The following TRAPPC9 variants were observed in gnomAD, a reference collection of about 807,000 sequenced individuals.
TRAPPC9 encodes the protein trafficking protein particle complex subunit 9, also known as IKK2 binding protein.
TRAPPC9 carries 83 observed loss-of-function variants against 124.0 expected under a neutral mutation model. The observed-to-expected ratio is 0.67, with a 90% CI of 0.56 to 0.80. TRAPPC9 has a LOEUF of 0.80. Ranked by LOEUF, TRAPPC9 falls within the 30% of genes least tolerant of loss-of-function variation. The pLI, the probability that TRAPPC9 is intolerant of heterozygous loss-of-function variation, is 0.00. For synonymous variants in TRAPPC9, 638 were observed against 617.5 expected, an observed-to-expected ratio of 1.03 and a Z score of -0.49; for missense variants, 1,302 against 1,508.3, an observed-to-expected ratio of 0.86 and a Z score of 2.27.
At chr8:140,324,582 G>A in intron 9 of TRAPPC9, among the ~76,000 whole-genome samples, 1 of 152,224 alleles carries the variant, frequency 6.6e-6, no homozygotes. Context: ...ACCAGCCTGG[G>A]CAATATGGTG....
rs1242427574 is a variant in TRAPPC9 at position 140,326,237 on chromosome 8, AAAG to A, written c.1496-14866_1496-14864del. Among the ~76,000 whole-genome samples the A allele has an allele frequency of 6.2e-3, 940 of 151,538 alleles. 7 individuals carry two copies. The highest frequency in any genetic ancestry group is 0.017 in the African/African-American group (703 of 41,316). On this transcript the variant is annotated intron_variant, in intron 9 of 22. Transcript: ENST00000438773. ...CCGTCTCTACTAAAAAAAAAAAAAAAAAGAAGAAGAAGTTGGGGGTTACTGCAG... is the reference window on the plus strand; with the variant it reads ...CCGTCTCTACTAAAAAAAAAAAAAAAAAGAAGAAGTTGGGGGTTACTGCAG...
intron 17 of TRAPPC9, among the ~76,000 whole-genome samples, chr8:140,192,574 G>A (rs973101485): frequency 1.3e-5 from 2 of 152,222 alleles, no homozygotes; most frequent in Admixed American, 6.5e-5. Context: ...TGCAGTCAGG[G>A]CAGCCCCATT....
chr8:140,267,530 C>T (rs957041883), intron 15 of TRAPPC9, among the ~76,000 whole-genome samples: 4 of 152,170 alleles, frequency 2.6e-5, no homozygotes, highest in Admixed American at 2.0e-4. Context: ...AATAAACAGA[C>T]GACCACCACC....
chr8:140,214,248 T>A (rs1321799491), intron 17 of TRAPPC9, among the ~76,000 whole-genome samples: 1 of 152,188 alleles, frequency 6.6e-6, no homozygotes, highest in Non-Finnish European at 1.5e-5. Flanking sequence ...GCACGTCATA[T>A]CCAACTCAGA....
At chr8:139,846,390 C>T (rs781166261) in intron 21 of TRAPPC9, among the ~76,000 whole-genome samples, 11 of 152,226 alleles carry the variant, frequency 7.2e-5, no homozygotes, top group South Asian at 2.1e-4. Flanking sequence ...CCATGGCCCA[C>T]GACCAGGCCC....
intron 17 of TRAPPC9, among the ~76,000 whole-genome samples, chr8:140,057,263 T>C (rs1385033098): frequency 1.3e-5 from 2 of 152,222 alleles, no homozygotes; most frequent in African/African-American, 2.4e-5. Context: ...ACAGCTGCTA[T>C]GGAAAACAGT....
intron 9 of TRAPPC9, among the ~76,000 whole-genome samples, chr8:140,329,231 C>T (rs1326185842): frequency 6.6e-6 from 1 of 152,052 alleles, no homozygotes; most frequent in Non-Finnish European, 1.5e-5. Flanking sequence ...CGAGATGAGA[C>T]TCAAGAGGCC....
At chr8:140,404,892 ACGTGTGTGTGAGCAT>A (rs1564002400) in intron 6 of TRAPPC9, among the ~76,000 whole-genome samples, 14 of 57,130 alleles carry the variant, frequency 2.5e-4, no homozygotes, top group Non-Finnish European at 5.5e-4. Context: ...GCATGTGTGC[ACGTGTGTGTGAGCAT>A]GCGTGTGTGT....
intron 17 of TRAPPC9, among the ~76,000 whole-genome samples, chr8:140,059,019 C>A (rs1563728921): frequency 1.3e-5 from 2 of 152,184 alleles, no homozygotes; most frequent in African/African-American, 2.4e-5. Context: ...ACATATTTAA[C>A]TGTCAAGTTC....
At chr8:139,786,163 G>A (rs536210384) in intron 21 of TRAPPC9, among the ~76,000 whole-genome samples, 20 of 151,426 alleles carry the variant, frequency 1.3e-4, no homozygotes, top group South Asian at 4.2e-4. Context: ...AGCCAAGATC[G>A]CGCCACCGCA....
chr8:140,369,938 G>A (rs985747579), intron 8 of TRAPPC9, among the ~76,000 whole-genome samples: 2 of 152,058 alleles, frequency 1.3e-5, no homozygotes, highest in African/African-American at 4.8e-5. Flanking sequence ...GGCAACAAGA[G>A]TGAAACTCTG....
At chr8:139,963,338 A>C (rs2665927) in intron 19 of TRAPPC9, among the ~76,000 whole-genome samples, 56,388 of 152,100 alleles carry the variant, frequency 0.37, 11,759 homozygotes, top group Non-Finnish European at 0.47. Context: ...CAGAGCAGAT[A>C]CTTCTAGGAA....
chr8:140,236,210 G>A (rs2063728450), intron 16 of TRAPPC9, among the ~76,000 whole-genome samples: 1 of 150,604 alleles, frequency 6.6e-6, no homozygotes, highest in African/African-American at 2.4e-5. Context: ...AGCCTCCCAA[G>A]TAGCTGGGAT....
At chr8:140,107,824 C>G (rs1478326399) in intron 17 of TRAPPC9, among the ~76,000 whole-genome samples, 1 of 152,080 alleles carries the variant, frequency 6.6e-6, no homozygotes, top group African/African-American at 2.4e-5. Flanking sequence ...CTGGGGGTCA[C>G]GGAGGCAGCA....
At chr8:140,393,948 T>G (rs559765948) in intron 7 of TRAPPC9, among the ~76,000 whole-genome samples, 2 of 152,198 alleles carry the variant, frequency 1.3e-5, no homozygotes, top group South Asian at 4.1e-4. Flanking sequence ...GAACCACATC[T>G]GCACTGTCCC....
chr8:140,139,567 G>A (rs551795182), intron 17 of TRAPPC9, among the ~76,000 whole-genome samples: 1 of 152,288 alleles, frequency 6.6e-6, no homozygotes, highest in East Asian at 1.9e-4. Context: ...CCACTGTGGT[G>A]TATTATACAG....
At chr8:139,746,052 C>T (rs1039332656) in intron 21 of TRAPPC9, among the ~76,000 whole-genome samples, 5 of 152,232 alleles carry the variant, frequency 3.3e-5, no homozygotes, top group Admixed American at 6.5e-5. Context: ...TGCACCTTCA[C>T]TCCACGGCTC....
chr8:139,908,383 C>T (rs912595615), intron 20 of TRAPPC9, among the ~76,000 whole-genome samples: 1 of 152,132 alleles, frequency 6.6e-6, no homozygotes, highest in Non-Finnish European at 1.5e-5. Flanking sequence ...AGAGATGCCT[C>T]CTGCCTCACA....
At position 140,403,361 on chromosome 8, in the gene TRAPPC9, G is replaced by A. The variant is rs1245596473; in HGVS notation, c.1008+2216C>T. On this transcript the variant is annotated intron_variant, in intron 6 of 22. Transcript: ENST00000438773. ...GGAGAATCACTTGAATCCAGGAGGC[G>A]GAGGTTGCAGTGAGCCCAGATCATG... Among the ~76,000 whole-genome samples, 9 of 152,086 alleles carry A rather than the reference G, an allele frequency of 5.9e-5. No homozygotes were observed. The East Asian group carries it at 9.7e-4, about 16-fold the overall frequency.
Sources: allele counts gnomAD v4.1 joint callset (sites outside exome capture counted in the v4.1 genomes callset), GRCh38; gene constraint gnomAD v4.1.1; transcripts MANE v1.5; gene names NCBI Gene and HGNC (gene_info 2026-07-23, HGNC 2026-07-21).